The following SDK1 variants were observed in gnomAD, a reference collection of about 807,000 sequenced individuals.
The protein encoded by SDK1 is sidekick cell adhesion molecule 1, also known as protein sidekick-1.
Under a neutral mutation model 245.5 loss-of-function variants are expected in SDK1, and 157 were observed. That is an observed-to-expected ratio of 0.64 (90% CI 0.56 to 0.73). The LOEUF (loss-of-function observed/expected upper bound fraction) is 0.73, where lower values mean the gene tolerates loss of function less well. SDK1 is among the 30% of genes least tolerant of loss of function. The pLI is 0.00. For synonymous variants in SDK1, 1,647 were observed against 1,278.5 expected (o/e 1.29, Z -6.15); for missense variants, 3,583 against 3,002.3 (o/e 1.19, Z -4.52).
chr7:3,419,602 C>T (rs1235429382), intron 1 of SDK1, among the ~76,000 whole-genome samples: 1 of 152,146 alleles, frequency 6.6e-6, no homozygotes, highest in Non-Finnish European at 1.5e-5. Context: ...GACTCAGTTG[C>T]CTTTTGAATG....
At chr7:3,676,808 G>T (rs1303290009) in intron 4 of SDK1, among the ~76,000 whole-genome samples, 1 of 152,150 alleles carries the variant, frequency 6.6e-6, no homozygotes, top group Non-Finnish European at 1.5e-5. Flanking sequence ...TGTTGACTTT[G>T]TTGATCAGAT....
intron 5 of SDK1, among the ~76,000 whole-genome samples, chr7:3,906,649 A>G (rs1778951282): frequency 1.1e-5 from 1 of 88,312 alleles, no homozygotes; most frequent in African/African-American, 4.1e-5. Flanking sequence ...TTTTTTTGAG[A>G]CAGAGTCTTG....
chr7:3,731,675 A>G (rs1338033846), intron 4 of SDK1, among the ~76,000 whole-genome samples: 2 of 152,234 alleles, frequency 1.3e-5, no homozygotes, highest in Admixed American at 1.3e-4. Flanking sequence ...CCCCAGGAAT[A>G]CAAACACCAT....
intron 1 of SDK1, among the ~76,000 whole-genome samples, chr7:3,416,332 C>T (rs953249193): frequency 2.6e-5 from 4 of 152,242 alleles, no homozygotes; most frequent in East Asian, 1.9e-4. Flanking sequence ...GAGAACTGTG[C>T]TCCCGTTCTA....
At chr7:3,489,533 C>G (rs980475377) in intron 1 of SDK1, among the ~76,000 whole-genome samples, 9 of 152,182 alleles carry the variant, frequency 5.9e-5, no homozygotes, top group African/African-American at 1.7e-4. Flanking sequence ...ATTGTTCTTC[C>G]AGCACTGAGT....
chr7:4,257,744 A>T (rs1431172287), intron 44 of SDK1, among the ~76,000 whole-genome samples: 1 of 152,172 alleles, frequency 6.6e-6, no homozygotes, highest in Non-Finnish European at 1.5e-5. Context: ...TTATAGAATC[A>T]CCTGGCTGGG....
chr7:4,105,909 C>T (rs1175343664), intron 22 of SDK1, among the ~76,000 whole-genome samples: 1 of 152,132 alleles, frequency 6.6e-6, no homozygotes. Flanking sequence ...TGACAAACCG[C>T]GGCTGCAGGA....
At chr7:3,473,803 A>G (rs903598350) in intron 1 of SDK1, among the ~76,000 whole-genome samples, 6 of 152,092 alleles carry the variant, frequency 3.9e-5, no homozygotes, top group African/African-American at 1.2e-4. Flanking sequence ...TGTGATGAAC[A>G]TGAGCTGAAA....
intron 19 of SDK1, among the ~76,000 whole-genome samples, chr7:4,057,052 C>A (rs966181742): frequency 6.6e-6 from 1 of 152,176 alleles, no homozygotes; most frequent in Admixed American, 6.5e-5. Flanking sequence ...ACAGACTTCG[C>A]TTCCAGGCAC....
rs144658961 is a variant in SDK1 at position 4,220,420 on chromosome 7, AC to A, written c.5701+151del. 7.4e-4 allele frequency: 562 copies of A among 758,440 alleles called. 1 individual carries two copies. In the African/African-American group the frequency reaches 9.1e-3, roughly 12 times the overall value. The allele number at this position is 758,440 out of a possible 1,614,324, so 47.0% of individuals were successfully genotyped here. On this transcript the variant is annotated intron_variant, in intron 39 of 44. Coordinates refer to ENST00000404826, the MANE Select transcript of SDK1 (RefSeq NM_152744.4). The stretch of plus-strand genomic sequence containing the variant: ...ACTCGGGGATGTCTGGGCAACATGG[AC>A]GTCTTCAAAAGCACGCGTCAACATG...
intron 44 of SDK1, among the ~76,000 whole-genome samples, chr7:4,252,589 C>T (rs1787375246): frequency 6.6e-6 from 1 of 152,036 alleles, no homozygotes; most frequent in Non-Finnish European, 1.5e-5. Context: ...TGTATCTATA[C>T]TTATAAGGGA....
intron 31 of SDK1, among the ~76,000 whole-genome samples, 180 bp downstream of exon 31, chr7:4,158,731 G>A (rs369460396): frequency 6.6e-6 from 1 of 152,220 alleles, no homozygotes; most frequent in East Asian, 1.9e-4. Context: ...ATAAATCAAG[G>A]TTTCAAGGGC....
chr7:3,735,626 T>G (rs571831538), intron 4 of SDK1, among the ~76,000 whole-genome samples: 1 of 152,320 alleles, frequency 6.6e-6, no homozygotes, highest in African/African-American at 2.4e-5. Flanking sequence ...GTTATGAACG[T>G]GGGTGTACAA....
At chr7:3,945,338 A>G (rs1780531875) in intron 5 of SDK1, among the ~76,000 whole-genome samples, 1 of 152,208 alleles carries the variant, frequency 6.6e-6, no homozygotes, top group African/African-American at 2.4e-5. Flanking sequence ...TGGTTCATTC[A>G]TATGTATAAA....
chr7:3,441,660 C>T (rs1292419397), intron 1 of SDK1, among the ~76,000 whole-genome samples: 1 of 152,098 alleles, frequency 6.6e-6, no homozygotes, highest in Non-Finnish European at 1.5e-5. Context: ...CTTTGTTTTC[C>T]TTTTTAGAAA....
chr7:4,041,518 G>C (rs1331944132), intron 17 of SDK1, among the ~76,000 whole-genome samples: 6 of 152,082 alleles, frequency 3.9e-5, no homozygotes, highest in African/African-American at 1.4e-4. Flanking sequence ...TGTGGGCTTT[G>C]AGAAGCATAT....
chr7:4,179,530 G>A (rs960697740), intron 35 of SDK1, among the ~76,000 whole-genome samples: 15 of 152,238 alleles, frequency 9.9e-5, no homozygotes, highest in African/African-American at 2.6e-4. Context: ...GATTTTTTCC[G>A]GAATGGTCAA....
chr7:3,818,883 T>C (rs1255488627), intron 4 of SDK1, among the ~76,000 whole-genome samples: 1 of 152,180 alleles, frequency 6.6e-6, no homozygotes, highest in African/African-American at 2.4e-5. Flanking sequence ...CCACACCTGA[T>C]GCTGGGAATG....
chr7:3,827,342 C>T (rs530267100), intron 5 of SDK1, among the ~76,000 whole-genome samples: 1 of 152,116 alleles, frequency 6.6e-6, no homozygotes, highest in African/African-American at 2.4e-5. Flanking sequence ...TGCCTGAGGT[C>T]AAATTTTGCA....
Sources: allele counts gnomAD v4.1 joint callset (sites outside exome capture counted in the v4.1 genomes callset), GRCh38; gene constraint gnomAD v4.1.1; transcripts MANE v1.5; gene names NCBI Gene and HGNC (gene_info 2026-07-23, HGNC 2026-07-21).